CNKSR3: variants seen among roughly 807,000 people sequenced by gnomAD.
CNKSR3 encodes connector enhancer of kinase suppressor of ras 3.
Under a neutral mutation model 67.7 loss-of-function variants are expected in CNKSR3, and 36 were observed. The observed-to-expected ratio is 0.53, with a 90% CI of 0.41 to 0.70. CNKSR3 has a LOEUF of 0.70. CNKSR3 is among the 30% of genes least tolerant of loss of function. CNKSR3 has a pLI of 0.00. For synonymous variants in CNKSR3, 281 were observed against 271.4 expected (o/e 1.04, Z -0.35); for missense variants, 630 against 695.2 (o/e 0.91, Z 1.05).
rs1158755532 is a variant in CNKSR3, at chr6:154,447,116, C to T, written c.216+2979G>A. Reference sequence around the variant, plus strand: ...GATTACAGGTGTAAGCCATTGCACCCGGCCACAGTCATACTTATCCTTATT... The same window carrying T: ...GATTACAGGTGTAAGCCATTGCACCTGGCCACAGTCATACTTATCCTTATT... On this transcript the variant is annotated intron_variant, in intron 2 of 12. Transcript: ENST00000607772. Among the ~76,000 whole-genome samples the T allele has an allele frequency of 7.2e-5, 11 of 152,092 alleles. No individual in the cohort carries two copies. The South Asian group carries it at 1.9e-3, about 26-fold the overall frequency.
Position 154,441,242 on chromosome 6 carries a change from C to CAAAAAA in CNKSR3, c.507+44_507+49dup, listed in dbSNP as rs34887626. On this transcript the variant is annotated intron_variant, in intron 4 of 12. Transcript: ENST00000607772. The stretch of plus-strand genomic sequence containing the variant: ...AAAATCCTTTCAAGAAGAGGAAAAG[C>CAAAAAA]AAAAAAAAAAAAAAAAAAAAAAAGA... 789 of 847,068 alleles carry CAAAAAA rather than the reference C, an allele frequency of 9.3e-4. 2 individuals carry two copies. Among genetic ancestry groups the CAAAAAA allele is most frequent in the South Asian group, 1.4e-3 (84 of 61,502 alleles). 52.5% of individuals were successfully genotyped at this position (847,068 alleles called of 1,614,324 possible).
At chr6:154,424,709 G>T (rs1300648455) in intron 7 of CNKSR3, among the ~76,000 whole-genome samples, 2 of 152,174 alleles carry the variant, frequency 1.3e-5, no homozygotes, top group African/African-American at 4.8e-5. Flanking sequence ...GTACCCGACA[G>T]TGCTCACCTG....
rs536126147 is a variant in CNKSR3 at position 154,464,857 on chromosome 6, G to A, written c.53-14599C>T. Among the ~76,000 whole-genome samples, 291 of 151,974 alleles carry A rather than the reference G, an allele frequency of 1.9e-3. 1 individual carries two copies. Among genetic ancestry groups the A allele is most frequent in the Non-Finnish European group, 3.3e-3 (225 of 67,942 alleles). Reference sequence around the variant, plus strand: ...GCAGGGGAAAACTTCAAAGTGGTCTGTGGGCCCAGCACTGTGGCTCACACC... The same window carrying A: ...GCAGGGGAAAACTTCAAAGTGGTCTATGGGCCCAGCACTGTGGCTCACACC... On this transcript the variant is annotated intron_variant, in intron 1 of 12. Coordinates refer to ENST00000607772, the MANE Select transcript of CNKSR3 (RefSeq NM_173515.4).
Position 154,397,903 on chromosome 6 carries a change from C to G in CNKSR3, c.*8451G>C, listed in dbSNP as rs1451805373. ...GGGTGTGTGAGATGCACAGGGCAGA[C>G]AGTACAGCCTGCAACTGTGGCGCAG... On this transcript the variant is annotated 3_prime_UTR_variant, in exon 13 of 13. Coordinates refer to ENST00000607772, the MANE Select transcript of CNKSR3 (RefSeq NM_173515.4). 1.3e-5 allele frequency: 2 copies of G among 152,292 alleles called. No homozygotes were observed. Among genetic ancestry groups the G allele is most frequent in the Admixed American group, 6.5e-5 (1 of 15,278 alleles). The allele number at this position is 152,292 out of a possible 1,614,324, so 9.4% of individuals were successfully genotyped here.
At chr6:154,470,665 C>T (rs1242324610) in intron 1 of CNKSR3, among the ~76,000 whole-genome samples, 1 of 152,204 alleles carries the variant, frequency 6.6e-6, no homozygotes, top group African/African-American at 2.4e-5. Flanking sequence ...AGATATACCA[C>T]ATTTTTATCC....
At chr6:154,435,163 T>C (rs947631019) in intron 4 of CNKSR3, among the ~76,000 whole-genome samples, 1 of 151,912 alleles carries the variant, frequency 6.6e-6, no homozygotes, top group Non-Finnish European at 1.5e-5. Context: ...ACCTGGCTAA[T>C]TTTTGTATTC....
Position 154,397,888 on chromosome 6 carries a change from G to A in CNKSR3, c.*8466C>T, listed in dbSNP as rs4512234. 2 of 151,976 alleles carry A rather than the reference G, an allele frequency of 1.3e-5. No individual in the cohort carries two copies. Among genetic ancestry groups the A allele is most frequent in the Admixed American group, 1.3e-4 (2 of 15,268 alleles). The allele number at this position is 151,976 out of a possible 1,614,324, so 9.4% of individuals were successfully genotyped here. On this transcript the variant is annotated 3_prime_UTR_variant, in exon 13 of 13. Transcript: ENST00000607772. ...TGCACAGTGCAGTGGGGGTGTGTGA[G>A]ATGCACAGGGCAGACAGTACAGCCT...
In CNKSR3 at chr6:154,389,020, A is replaced by C. The variant is rs1784579270; in HGVS notation, c.*17334T>G. The C allele has an allele frequency of 6.6e-6, 1 of 152,046 alleles. No individual in the cohort carries two copies. The highest frequency in any genetic ancestry group is 1.5e-5 in the Non-Finnish European group (1 of 68,012). The allele number at this position is 152,046 out of a possible 1,614,324, so 9.4% of individuals were successfully genotyped here. A position where few individuals can be genotyped will look rare whatever the true frequency, so the allele number is the denominator to read the frequency against. ...ACCCTTATCACATACATCGCTTGCAAATACTTTCTCCCATTTCATAGGTTT... is the reference window on the plus strand; with the variant it reads ...ACCCTTATCACATACATCGCTTGCACATACTTTCTCCCATTTCATAGGTTT... On this transcript the variant is annotated 3_prime_UTR_variant, in exon 13 of 13. Transcript: ENST00000607772.
intron 1 of CNKSR3, among the ~76,000 whole-genome samples, chr6:154,451,672 G>T (rs1025642905): frequency 6.6e-6 from 1 of 152,194 alleles, no homozygotes; most frequent in East Asian, 1.9e-4. Context: ...AATCTGATGT[G>T]TGAGGCTAAA....
At chr6:154,458,688 C>T (rs1373105621) in intron 1 of CNKSR3, among the ~76,000 whole-genome samples, 2 of 152,202 alleles carry the variant, frequency 1.3e-5, no homozygotes, top group African/African-American at 4.8e-5. Flanking sequence ...GCTGTACTCC[C>T]TGTCCTGCCC....
chr6:154,460,190 C>CA (rs1185325086), intron 1 of CNKSR3, among the ~76,000 whole-genome samples: 6 of 152,016 alleles, frequency 3.9e-5, no homozygotes, highest in African/African-American at 9.7e-5. Flanking sequence ...ATCTAAATCA[C>CA]AAAAAAAGAA....
In CNKSR3 at chr6:154,392,732, CCT is replaced by C. The variant is rs1784621975; in HGVS notation, c.*13620_*13621del. On this transcript the variant is annotated 3_prime_UTR_variant, in exon 13 of 13. Coordinates refer to ENST00000607772, the MANE Select transcript of CNKSR3 (RefSeq NM_173515.4). ...TGGGGAACAAGGAGCCCTTGCCTCC[CCT>C]GACGGCAGCAGCAGAATGGGGTCTA... is the stretch of plus-strand genomic sequence containing the variant. 2.0e-5 allele frequency: 3 copies of C among 152,236 alleles called. No homozygotes were observed. Among genetic ancestry groups the C allele is most frequent in the Admixed American group, 2.0e-4 (3 of 15,278 alleles). The allele number at this position is 152,236 out of a possible 1,614,324, so 9.4% of individuals were successfully genotyped here. A position where few individuals can be genotyped will look rare whatever the true frequency, so the allele number is the denominator to read the frequency against.
At chr6:154,449,561 G>A (rs1378662441) in intron 2 of CNKSR3, among the ~76,000 whole-genome samples, 3 of 152,208 alleles carry the variant, frequency 2.0e-5, no homozygotes, top group Non-Finnish European at 4.4e-5. Flanking sequence ...CTGGACTCAA[G>A]CAATCCACCC....
chr6:154,414,173 T>G (rs1328659362), intron 10 of CNKSR3, 126 bp downstream of exon 10: 13 of 992,038 alleles, frequency 1.3e-5, no homozygotes. Flanking sequence ...TTAACGGCAG[T>G]TCAAGATTCA....
intron 1 of CNKSR3, among the ~76,000 whole-genome samples, chr6:154,472,858 A>G (rs186032012): frequency 1.3e-3 from 196 of 151,954 alleles, no homozygotes; most frequent in Middle Eastern, 3.4e-3. Flanking sequence ...GCAGGACTCT[A>G]CAACTTTCTA....
At chr6:154,437,048 C>A (rs1335641483) in intron 4 of CNKSR3, among the ~76,000 whole-genome samples, 1 of 151,978 alleles carries the variant, frequency 6.6e-6, no homozygotes, top group Non-Finnish European at 1.5e-5. Context: ...GGGGGGACGG[C>A]AAGATGTAGA....
At chr6:154,444,553 A>AT (rs1213016005) in intron 2 of CNKSR3, among the ~76,000 whole-genome samples, 1 of 152,142 alleles carries the variant, frequency 6.6e-6, no homozygotes, top group African/African-American at 2.4e-5. Context: ...GCACAAGCTG[A>AT]ATAGCTATTC....
rs1056687291 is a variant in CNKSR3, at chr6:154,404,747, G to C, written c.*1607C>G. 2.0e-5 allele frequency: 3 copies of C among 152,408 alleles called. No homozygotes were observed. Among genetic ancestry groups the C allele is most frequent in the Admixed American group, 6.5e-5 (1 of 15,294 alleles). The allele number at this position is 152,408 out of a possible 1,614,324, so 9.4% of individuals were successfully genotyped here. A position where few individuals can be genotyped will look rare whatever the true frequency, so the allele number is the denominator to read the frequency against. ...CATGGGAGGCTGAGGCAGGAGAATC[G>C]CTTGAACCTGGAAGGTGGAGGTTGC... On this transcript the variant is annotated 3_prime_UTR_variant, in exon 13 of 13. Transcript: ENST00000607772.
At chr6:154,492,817 A>C (rs1786808566) in intron 1 of CNKSR3, among the ~76,000 whole-genome samples, 1 of 151,834 alleles carries the variant, frequency 6.6e-6, no homozygotes, top group Non-Finnish European at 1.5e-5. Flanking sequence ...CCCACCTCTC[A>C]GGAGATGACA....
Sources: gnomAD v4.1 joint callset for allele counts (sites outside exome capture counted in the v4.1 genomes callset) on GRCh38, gnomAD v4.1.1 for gene constraint, MANE v1.5 for transcripts, NCBI Gene and HGNC (gene_info 2026-07-23, HGNC 2026-07-21) for gene names.